ASIC2: variants seen among roughly 807,000 people sequenced by gnomAD.
ASIC2 encodes acid sensing ion channel subunit 2.
A neutral mutation model predicts 57.3 loss-of-function variants in ASIC2; 25 were observed. The observed-to-expected ratio is 0.44, with a 90% confidence interval of 0.32 to 0.61. The LOEUF (loss-of-function observed/expected upper bound fraction) is 0.61. ASIC2 is among the 20% of genes least tolerant of loss of function. The probability of loss-of-function intolerance (pLI) is 0.06; values close to 1 mark genes in which losing one functional copy is unlikely to be tolerated. For missense variants in ASIC2, 641 were observed against 738.1 expected, an observed-to-expected ratio of 0.87 and a Z score of 1.52; for synonymous variants, 319 against 307.5, an observed-to-expected ratio of 1.04 and a Z score of -0.39.
chr17:33,974,183 G>C (rs1219526993), intron 1 of ASIC2, among the ~76,000 whole-genome samples: 1 of 151,964 alleles, frequency 6.6e-6, no homozygotes, highest in East Asian at 1.9e-4. Flanking sequence ...AAAGCAGTCT[G>C]GCTTGCAAGT....
At chr17:33,834,699 T>C (rs961511057) in intron 1 of ASIC2, 3 of 152,250 alleles carry the variant, frequency 2.0e-5, no homozygotes, top group Admixed American at 6.5e-5. Context: ...ATGCTATTTT[T>C]AGAAAGACAT....
rs1913209027 is a variant in ASIC2 at position 33,476,029 on chromosome 17, G to C, written c.556-363962C>G. Among the ~76,000 whole-genome samples, 6 of 152,322 alleles carry C rather than the reference G, an allele frequency of 3.9e-5. No individual in the cohort carries two copies. In the South Asian group the frequency reaches 1.2e-3, roughly 32 times the overall value. ...ATTATTTGGTAGCCCTGTTCACTAA[G>C]TAAGGAAAAGCATGAAACTGTCACC... On this transcript the variant is annotated intron_variant, in intron 1 of 9. Transcript: ENST00000359872.
At chr17:33,682,559 A>T (rs1908043892) in intron 1 of ASIC2, among the ~76,000 whole-genome samples, 1 of 150,644 alleles carries the variant, frequency 6.6e-6, no homozygotes, top group Admixed American at 6.6e-5. Context: ...AAAAAAGTTA[A>T]TCTCTTGCAT....
intron 1 of ASIC2, among the ~76,000 whole-genome samples, chr17:33,553,962 C>A (rs761599211): frequency 1.3e-5 from 2 of 152,100 alleles, no homozygotes; most frequent in Non-Finnish European, 2.9e-5. Flanking sequence ...TTCGTTTTTT[C>A]CCCTGCAGTT....
intron 1 of ASIC2, among the ~76,000 whole-genome samples, chr17:33,873,630 A>G (rs1294239503): frequency 6.6e-6 from 1 of 152,202 alleles, no homozygotes; most frequent in Non-Finnish European, 1.5e-5. Context: ...TCAGTCTTAT[A>G]AAGAATTGTT....
intron 1 of ASIC2, among the ~76,000 whole-genome samples, chr17:34,155,231 C>G (rs987716061): frequency 6.6e-6 from 1 of 152,084 alleles, no homozygotes; most frequent in Non-Finnish European, 1.5e-5. Flanking sequence ...GACTGGTTCA[C>G]CCTCACAGGC....
intron 3 of ASIC2, among the ~76,000 whole-genome samples, chr17:33,055,462 G>C (rs545034222): frequency 6.6e-6 from 1 of 152,148 alleles, no homozygotes; most frequent in South Asian, 2.1e-4. Context: ...ACATTCCTAT[G>C]TTATGGCTGA....
At chr17:33,192,439 CAAA>C (rs1567779521) in intron 1 of ASIC2, among the ~76,000 whole-genome samples, 61 of 147,274 alleles carry the variant, frequency 4.1e-4, no homozygotes, top group Middle Eastern at 3.4e-3. Context: ...CAAAACAAAA[CAAA>C]ACAAAACAAA....
intron 1 of ASIC2, among the ~76,000 whole-genome samples, chr17:34,047,578 C>G (rs970215251): frequency 1.3e-5 from 2 of 151,260 alleles, no homozygotes; most frequent in Non-Finnish European, 2.9e-5. Context: ...TTTCCCACCC[C>G]TGATTATATC....
At chr17:33,621,756 C>T (rs570687717) in intron 1 of ASIC2, among the ~76,000 whole-genome samples, 3 of 152,282 alleles carry the variant, frequency 2.0e-5, no homozygotes, top group South Asian at 2.1e-4. Flanking sequence ...AGGGTTCAAA[C>T]GTCTTCTAAT....
chr17:33,650,382 G>A (rs1205534204), intron 1 of ASIC2, among the ~76,000 whole-genome samples: 1 of 152,122 alleles, frequency 6.6e-6, no homozygotes, highest in Non-Finnish European at 1.5e-5. Flanking sequence ...CATTACTGGC[G>A]AGCATGTAAA....
intron 1 of ASIC2, among the ~76,000 whole-genome samples, chr17:33,476,365 A>G (rs1463502590): frequency 6.6e-6 from 1 of 152,116 alleles, no homozygotes; most frequent in Non-Finnish European, 1.5e-5. Context: ...ATTCCACTGT[A>G]TGACTGTATC....
intron 1 of ASIC2, among the ~76,000 whole-genome samples, chr17:34,122,701 A>C (rs1283839984): frequency 6.6e-6 from 1 of 152,226 alleles, no homozygotes; most frequent in African/African-American, 2.4e-5. Flanking sequence ...AGTGGTGAAC[A>C]GAGTCCAGGC....
At chr17:33,578,966 G>A (rs978126010) in intron 1 of ASIC2, among the ~76,000 whole-genome samples, 2 of 152,142 alleles carry the variant, frequency 1.3e-5, no homozygotes, top group African/African-American at 4.8e-5. Context: ...CCTGGTCCTA[G>A]GGAGCACCTT....
At chr17:33,499,453 G>A (rs1021532405) in intron 1 of ASIC2, among the ~76,000 whole-genome samples, 1 of 152,194 alleles carries the variant, frequency 6.6e-6, no homozygotes, top group Admixed American at 6.5e-5. Context: ...CAGGGAGAAG[G>A]CCACGTAAAC....
intron 1 of ASIC2, among the ~76,000 whole-genome samples, chr17:33,498,823 C>T (rs144194468): frequency 9.9e-4 from 150 of 152,242 alleles, no homozygotes; most frequent in African/African-American, 3.3e-3. Flanking sequence ...TGGGGAGAGG[C>T]TTCCAGAGAA....
chr17:33,209,776 G>A (rs1907203908), intron 1 of ASIC2, among the ~76,000 whole-genome samples: 1 of 152,226 alleles, frequency 6.6e-6, no homozygotes, highest in Non-Finnish European at 1.5e-5. Context: ...ATGAATGCAT[G>A]AACATAGCCA....
intron 1 of ASIC2, among the ~76,000 whole-genome samples, chr17:33,302,807 A>G (rs901267881): frequency 3.9e-5 from 6 of 152,222 alleles, no homozygotes; most frequent in African/African-American, 1.4e-4. Context: ...GGAAGTTAAC[A>G]CAGAGTACAG....
intron 1 of ASIC2, among the ~76,000 whole-genome samples, chr17:33,125,704 C>T (rs1335076577): frequency 1.3e-5 from 2 of 152,210 alleles, no homozygotes; most frequent in Non-Finnish European, 1.5e-5. Context: ...TGCACATTAA[C>T]TTACAGAATG....
Sources: allele counts gnomAD v4.1 joint callset (sites outside exome capture counted in the v4.1 genomes callset), GRCh38; gene constraint gnomAD v4.1.1; transcripts MANE v1.5; gene names NCBI Gene and HGNC (gene_info 2026-07-23, HGNC 2026-07-21).